BLTP3A: variants seen among roughly 807,000 people sequenced by gnomAD.
The protein encoded by BLTP3A is ICBP90 binding protein 1.
At chr6:34,853,035 G>A in the BLTP3A span, among the ~76,000 whole-genome samples, 734 of 152,318 alleles carry the variant, frequency 4.8e-3, 8 homozygotes, top group Middle Eastern at 0.034. Context: ...ACTGCCAGGA[G>A]GCTGGGGGTG....
At chr6:34,857,397 C>T in the BLTP3A span, 1 of 1,614,226 alleles carries the variant, frequency 6.2e-7, no homozygotes, top group East Asian at 2.2e-5. Context: ...AACTTCACAA[C>T]CTCCCTACCC....
the BLTP3A span, among the ~76,000 whole-genome samples, chr6:34,850,271 G>A: frequency 6.6e-6 from 1 of 152,092 alleles, no homozygotes; most frequent in African/African-American, 2.4e-5. Flanking sequence ...TTCTCTTGCA[G>A]CTTTTAGGAT....
At chr6:34,825,873 A>G in the BLTP3A span, among the ~76,000 whole-genome samples, 7 of 152,126 alleles carry the variant, frequency 4.6e-5, no homozygotes, top group Non-Finnish European at 8.8e-5. Flanking sequence ...GCTGCTGTGA[A>G]CATTTGTATA....
At chr6:34,826,299 G>A in the BLTP3A span, among the ~76,000 whole-genome samples, 1 of 151,630 alleles carries the variant, frequency 6.6e-6, no homozygotes, top group African/African-American at 2.4e-5. Context: ...TGGGATTACA[G>A]GCGTGAGCCA....
At chr6:34,838,786 C>A in the BLTP3A span, among the ~76,000 whole-genome samples, 2 of 152,104 alleles carry the variant, frequency 1.3e-5, no homozygotes, top group African/African-American at 2.4e-5. Flanking sequence ...CTCTAAAAAA[C>A]CACAAAAATC....
the BLTP3A span, chr6:34,871,807 T>G: frequency 6.2e-7 from 1 of 1,613,642 alleles, no homozygotes; most frequent in Non-Finnish European, 8.5e-7. Context: ...AACCTTTACT[T>G]GTTTTCTCCA....
the BLTP3A span, among the ~76,000 whole-genome samples, chr6:34,815,243 G>T: frequency 1.3e-5 from 2 of 151,880 alleles, no homozygotes; most frequent in Admixed American, 1.3e-4. Context: ...ATAAGTTGGT[G>T]TTTGTTTGTT....
the BLTP3A span, among the ~76,000 whole-genome samples, chr6:34,817,955 G>A: frequency 1.3e-5 from 2 of 151,514 alleles, no homozygotes; most frequent in African/African-American, 2.4e-5. Context: ...CCGGGTTCAC[G>A]CCATTCTCCT....
At chr6:34,797,725 A>C in the BLTP3A span, among the ~76,000 whole-genome samples, 1 of 152,236 alleles carries the variant, frequency 6.6e-6, no homozygotes, top group Non-Finnish European at 1.5e-5. Context: ...TTACTTAGCA[A>C]GTATTTAATA....
the BLTP3A span, among the ~76,000 whole-genome samples, chr6:34,846,013 C>T: frequency 2.0e-5 from 3 of 151,256 alleles, no homozygotes; most frequent in South Asian, 2.1e-4. Context: ...ATAGGCAATA[C>T]GGATTCTCTA....
chr6:34,815,925 T>G, the BLTP3A span, among the ~76,000 whole-genome samples: 13 of 152,116 alleles, frequency 8.5e-5, no homozygotes, highest in Non-Finnish European at 2.9e-5. Context: ...GGATTACAGG[T>G]GTGAGCAACC....
the BLTP3A span, chr6:34,872,053 G>A: frequency 1.0e-6 from 1 of 981,208 alleles, no homozygotes; most frequent in South Asian, 1.7e-5. Context: ...TTGGGTTCCT[G>A]TCACCTAGCA....
At chr6:34,871,832 C>A in the BLTP3A span, 1 of 1,614,146 alleles carries the variant, frequency 6.2e-7, no homozygotes, top group East Asian at 2.2e-5. Flanking sequence ...CTGCTCAGGA[C>A]AAACCATCAG....
At chr6:34,862,849 C>T in the BLTP3A span, among the ~76,000 whole-genome samples, 1 of 150,324 alleles carries the variant, frequency 6.7e-6, no homozygotes, top group African/African-American at 2.4e-5. Flanking sequence ...AAAAAAAAAC[C>T]AAAAACATAG....
the BLTP3A span, among the ~76,000 whole-genome samples, chr6:34,811,679 C>G: frequency 1.3e-4 from 14 of 108,492 alleles, 2 homozygotes; most frequent in African/African-American, 5.7e-4. Context: ...GTGAGACCCC[C>G]CCCCCCGCAT....
chr6:34,826,630 T>G, the BLTP3A span, among the ~76,000 whole-genome samples: 1 of 152,202 alleles, frequency 6.6e-6, no homozygotes. Context: ...AGTGTTAGGA[T>G]TACAGACGTG....
At chr6:34,849,314 TGCCCA>T in the BLTP3A span, among the ~76,000 whole-genome samples, 1 of 151,968 alleles carries the variant, frequency 6.6e-6, no homozygotes, top group Non-Finnish European at 1.5e-5. Context: ...TGAGCCACTG[TGCCCA>T]GCCAGTTTTT....
At chr6:34,870,113 T>C in the BLTP3A span, among the ~76,000 whole-genome samples, 1 of 152,316 alleles carries the variant, frequency 6.6e-6, no homozygotes, top group South Asian at 2.1e-4. Context: ...ACTATTTACT[T>C]CTTTATTCTA....
At chr6:34,809,237 T>C in the BLTP3A span, among the ~76,000 whole-genome samples, 1 of 151,724 alleles carries the variant, frequency 6.6e-6, no homozygotes, top group Admixed American at 6.6e-5. Flanking sequence ...TACAAAAAAT[T>C]GAAAAATTAG....
Sources: allele counts gnomAD v4.1 joint callset (sites outside exome capture counted in the v4.1 genomes callset), GRCh38; gene constraint gnomAD v4.1.1; transcripts MANE v1.5; gene names NCBI Gene and HGNC (gene_info 2026-07-23, HGNC 2026-07-21).